The following CNTNAP2 variants were observed in gnomAD, a reference collection of about 807,000 sequenced individuals.
CNTNAP2 encodes the protein contactin associated protein 2.
A neutral mutation model predicts 155.2 loss-of-function variants in CNTNAP2; 98 were observed. The ratio of observed to expected loss-of-function variants is 0.63; its 90% CI spans 0.54 to 0.75. The LOEUF is 0.75. CNTNAP2 is among the 30% of genes least tolerant of loss of function. The pLI is 0.00. For synonymous variants in CNTNAP2, 651 were observed against 631.2 expected, an observed-to-expected ratio of 1.03 and a Z score of -0.47; for missense variants, 1,727 against 1,688.1, an observed-to-expected ratio of 1.02 and a Z score of -0.40.
Position 148,281,860 on chromosome 7 carries a change from G to A in CNTNAP2, c.3475+14734G>A, listed in dbSNP as rs1486161063. Among the ~76,000 whole-genome samples the A allele has an allele frequency of 7.5e-5, 9 of 120,562 alleles. No individual in the cohort carries two copies. In the Admixed American group the frequency reaches 8.4e-4, roughly 11 times the overall value. The allele number at this position is 120,562 out of a possible 152,430, so 79.1% of individuals were successfully genotyped here. A position where few individuals can be genotyped will look rare whatever the true frequency, so the allele number is the denominator to read the frequency against. ...CTTTTTTTTTTTTTTTTTTTGAGAC[G>A]GAGTCTCACTCTGTCACCAGGTTGG... On this transcript the variant is annotated intron_variant, in intron 21 of 23. Transcript: ENST00000361727.
chr7:147,765,882 A>T (rs147984227), intron 13 of CNTNAP2, among the ~76,000 whole-genome samples: 5 of 152,340 alleles, frequency 3.3e-5, no homozygotes, highest in African/African-American at 1.2e-4. Context: ...AATACTACCC[A>T]GCCAAAAAAG....
intron 2 of CNTNAP2, among the ~76,000 whole-genome samples, chr7:146,814,478 G>C (rs1268948019): frequency 1.3e-5 from 2 of 151,930 alleles, no homozygotes; most frequent in Non-Finnish European, 2.9e-5. Flanking sequence ...AGAACCTTTT[G>C]GCATGGTTGT....
rs544536237 is a variant in CNTNAP2 at position 148,185,412 on chromosome 7, G to C, written c.3010+12934G>C. On this transcript the variant is annotated intron_variant, in intron 18 of 23. Transcript: ENST00000361727. ...ATTGAGATCGTTAGCAAATCATGTT[G>C]GTTCCTTGAGTATCTTATAGAGTTT... Among the ~76,000 whole-genome samples, 3 of 152,270 alleles carry C rather than the reference G, an allele frequency of 2.0e-5. No homozygotes were observed. In the South Asian group the frequency reaches 6.2e-4, roughly 32 times the overall value.
At chr7:148,283,304 A>AAAGAAAGAAAGAAAGAAAGAAAGG (rs1278484699) in intron 21 of CNTNAP2, among the ~76,000 whole-genome samples, 1 of 89,420 alleles carries the variant, frequency 1.1e-5, no homozygotes, top group African/African-American at 5.8e-5. Flanking sequence ...AGAAAGAAAG[A>AAAGAAAGAAAGAAAGAAAGAAAGG]AAGGAAGGAA....
intron 13 of CNTNAP2, among the ~76,000 whole-genome samples, chr7:147,827,807 C>T (rs1176758921): frequency 2.0e-5 from 3 of 151,906 alleles, no homozygotes; most frequent in African/African-American, 7.3e-5. Context: ...GTTTTCCAGG[C>T]CAAAGCAAGT....
At chr7:147,351,505 CT>C (rs1167885326) in intron 9 of CNTNAP2, among the ~76,000 whole-genome samples, 1 of 151,702 alleles carries the variant, frequency 6.6e-6, no homozygotes, top group Non-Finnish European at 1.5e-5. Context: ...ATAAATTATT[CT>C]TAAACAGTTA....
intron 3 of CNTNAP2, among the ~76,000 whole-genome samples, chr7:146,998,103 T>C (rs1011946019): frequency 5.9e-5 from 9 of 152,014 alleles, no homozygotes; most frequent in Admixed American, 3.9e-4. Context: ...TTTTTTTCTT[T>C]AGTAGTTCTT....
intron 1 of CNTNAP2, among the ~76,000 whole-genome samples, chr7:146,567,293 T>C (rs34269012): frequency 0.018 from 2,710 of 152,320 alleles, 43 homozygotes; most frequent in Non-Finnish European, 0.029. Context: ...ATAATATATG[T>C]TGTCCCTTTT....
chr7:147,852,046 A>G (rs1448221134), intron 13 of CNTNAP2, among the ~76,000 whole-genome samples: 1 of 152,182 alleles, frequency 6.6e-6, no homozygotes, highest in South Asian at 2.1e-4. Flanking sequence ...GTTGCTTGAA[A>G]AAGTCTATAT....
chr7:146,256,688 A>C (rs950930486), intron 1 of CNTNAP2, among the ~76,000 whole-genome samples: 1 of 152,120 alleles, frequency 6.6e-6, no homozygotes, highest in Non-Finnish European at 1.5e-5. Flanking sequence ...TAATTTAAGA[A>C]AACCTCTTAA....
chr7:148,334,607 G>C (rs572363984), intron 21 of CNTNAP2, among the ~76,000 whole-genome samples: 1 of 152,156 alleles, frequency 6.6e-6, no homozygotes, highest in Admixed American at 6.5e-5. Flanking sequence ...GGTTGTGCAG[G>C]AACCACAGGC....
chr7:147,876,266 T>C (rs1028060613), intron 13 of CNTNAP2, among the ~76,000 whole-genome samples: 4 of 152,196 alleles, frequency 2.6e-5, no homozygotes, highest in Non-Finnish European at 2.9e-5. Flanking sequence ...TACTGACATG[T>C]ATTGGGCTTT....
At chr7:147,772,615 C>G (rs1003024406) in intron 13 of CNTNAP2, among the ~76,000 whole-genome samples, 2 of 151,386 alleles carry the variant, frequency 1.3e-5, no homozygotes, top group African/African-American at 2.4e-5. Context: ...ATACCTGATT[C>G]AGTAAGTGAT....
chr7:148,057,672 C>A (rs76562332), intron 15 of CNTNAP2, among the ~76,000 whole-genome samples: 1 of 152,096 alleles, frequency 6.6e-6, no homozygotes, highest in Admixed American at 6.5e-5. Context: ...TACCTCCTAC[C>A]CTCAGTTAAA....
intron 10 of CNTNAP2, among the ~76,000 whole-genome samples, chr7:147,407,260 A>T (rs112237601): frequency 1.3e-5 from 2 of 152,010 alleles, no homozygotes; most frequent in African/African-American, 4.8e-5. Context: ...CGAGGTCAGG[A>T]GATCGAGACC....
intron 12 of CNTNAP2, among the ~76,000 whole-genome samples, chr7:147,604,136 G>A (rs1410192142): frequency 1.3e-5 from 2 of 151,964 alleles, no homozygotes; most frequent in Admixed American, 1.3e-4. Flanking sequence ...GAAAACCTAG[G>A]CATTACCATT....
chr7:147,840,607 G>A (rs1798712746), intron 13 of CNTNAP2, among the ~76,000 whole-genome samples: 1 of 152,182 alleles, frequency 6.6e-6, no homozygotes, highest in African/African-American at 2.4e-5. Flanking sequence ...AGGATCTTAA[G>A]TAGGAAGTGG....
chr7:148,413,464 T>C (rs57086104), intron 23 of CNTNAP2, among the ~76,000 whole-genome samples: 44,960 of 89,698 alleles, frequency 0.5, 13,906 homozygotes, highest in African/African-American at 0.58. Flanking sequence ...ATAGTTTTCT[T>C]GTAACATTTT....
intron 1 of CNTNAP2, among the ~76,000 whole-genome samples, chr7:146,649,539 C>A (rs917679798): frequency 1.3e-5 from 2 of 151,940 alleles, no homozygotes; most frequent in East Asian, 3.9e-4. Flanking sequence ...TGATTTTTCC[C>A]CTCAGTGGCA....
Sources: gnomAD v4.1 joint callset for allele counts (sites outside exome capture counted in the v4.1 genomes callset) on GRCh38, gnomAD v4.1.1 for gene constraint, MANE v1.5 for transcripts, NCBI Gene and HGNC (gene_info 2026-07-23, HGNC 2026-07-21) for gene names.